Variants in CR1 observed in about 807,000 individuals in gnomAD.
CR1 encodes complement C3b/C4b receptor 1 (Knops blood group).
Under a neutral mutation model 187.3 loss-of-function variants are expected in CR1, and 116 were observed. The ratio of observed to expected loss-of-function variants is 0.62; its 90% confidence interval spans 0.53 to 0.72. The LOEUF is 0.72. Ranked by LOEUF, CR1 falls within the 30% of genes least tolerant of loss-of-function variation. CR1 has a pLI of 0.00. For missense variants in CR1, 1,731 were observed against 2,110.7 expected, an observed-to-expected ratio of 0.82 and a Z score of 3.52; for synonymous variants, 576 against 747.1, an observed-to-expected ratio of 0.77 and a Z score of 3.73.
At chr1:207,581,305 C>T (rs549502853) in intron 31 of CR1, among the ~76,000 whole-genome samples, 8 of 147,468 alleles carry the variant, frequency 5.4e-5, no homozygotes, top group Non-Finnish European at 9.0e-5. Context: ...TACATATGGA[C>T]ACGTATATGT....
intron 45 of CR1, among the ~76,000 whole-genome samples, chr1:207,628,112 T>G (rs1662534995): frequency 6.6e-6 from 1 of 152,198 alleles, no homozygotes; most frequent in Non-Finnish European, 1.5e-5. Flanking sequence ...GCACATATGC[T>G]TAAACGATAT....
intron 35 of CR1, chr1:207,606,547 T>C (rs937078961): frequency 7.2e-5 from 11 of 152,374 alleles, no homozygotes; most frequent in African/African-American, 2.6e-4. Context: ...CTTTAATTTT[T>C]ACTTGGTCAA....
intron 24 of CR1, among the ~76,000 whole-genome samples, chr1:207,567,270 T>G (rs562621776): frequency 2.4e-4 from 36 of 149,756 alleles, no homozygotes; most frequent in Non-Finnish European, 4.0e-4. Flanking sequence ...TTGGAGTTTT[T>G]TTTTTTTTTT....
intron 35 of CR1, among the ~76,000 whole-genome samples, chr1:207,591,687 A>AATTG (rs1661277643): frequency 6.6e-6 from 1 of 150,568 alleles, no homozygotes; most frequent in Admixed American, 6.6e-5. Context: ...AGATTAACAA[A>AATTG]ATAGACCACT....
chr1:207,517,929 CT>C (rs2102298444), intron 4 of CR1, among the ~76,000 whole-genome samples: 1 of 152,148 alleles, frequency 6.6e-6, no homozygotes, highest in Admixed American at 6.5e-5. Context: ...TTTTACTAAG[CT>C]TTTCAGAAAA....
rs138346086 is a variant in CR1 at position 207,629,402 on chromosome 1, G to A, written c.7353-1115G>A. On this transcript the variant is annotated intron_variant, in intron 45 of 46. Coordinates refer to ENST00000367049, the MANE Select transcript of CR1 (RefSeq NM_000651.6). The stretch of plus-strand genomic sequence containing the variant: ...ACCCCATGTACCACTCATCACCCAA[G>A]ACCACCTTCAGAACACTACTCATCT... Among the ~76,000 whole-genome samples the A allele has an allele frequency of 3.3e-4, 49 of 150,262 alleles. 1 individual carries two copies. The highest frequency in any genetic ancestry group is 1.2e-3 in the African/African-American group (49 of 40,902).
intron 45 of CR1, among the ~76,000 whole-genome samples, chr1:207,625,017 G>A (rs1221666068): frequency 6.6e-6 from 1 of 151,938 alleles, no homozygotes; most frequent in African/African-American, 2.4e-5. Flanking sequence ...ATTACTTATG[G>A]TCCATTCCTT....
At chr1:207,596,200 T>A (rs1447546040) in intron 35 of CR1, among the ~76,000 whole-genome samples, 1 of 151,918 alleles carries the variant, frequency 6.6e-6, no homozygotes, top group Non-Finnish European at 1.5e-5. Flanking sequence ...TTTGGGAAAC[T>A]AGCATTATTA....
In CR1 at chr1:207,619,908, G is replaced by A; in HGVS notation, c.7095G>A (p.Met2365Ile). The A allele has an allele frequency of 1.3e-6, 2 of 1,596,226 alleles. No individual in the cohort carries two copies. The highest frequency in any genetic ancestry group is 2.3e-5 in the East Asian group (1 of 44,444). ...KEVNCSFPLF[M>I]NGISKELEMK... ...TAAATTGTAGCTTCCCACTGTTTAT[G>A]AATGGAATCTCGAAGGAGTTAGAAA... The change falls in exon 43 of 47, where the codon ATG (methionine) becomes ATA (isoleucine). Residue 2365 changes from methionine (M) to isoleucine (I), a missense_variant. Around this residue, in one of 5 missense-constraint regions of CR1, gnomAD observed 1,312 missense variants for 1,379.6 expected, o/e 0.95. Coordinates refer to ENST00000367049, the MANE Select transcript of CR1 (RefSeq NM_000651.6).
rs1431166985 is a variant in CR1, at chr1:207,630,544, A to T, written c.7380A>T (p.Glu2460Asp). The change falls in exon 46 of 47, where the codon GAA (glutamate) becomes GAT (aspartate). Residue 2460 changes from glutamate (E) to aspartate (D), a missense_variant. By Grantham distance (45) the Glu-to-Asp change is conservative. Coordinates refer to ENST00000367049, the MANE Select transcript of CR1 (RefSeq NM_000651.6). ...KGNNAHENPK[E>D]VAIHLHSQGG... ...ATAATGCACATGAAAACCCTAAAGA[A>T]GTGGCTATCCATTTACATTCTCAAG... 1.2e-6 allele frequency: 2 copies of T among 1,609,888 alleles called. No individual in the cohort carries two copies. Among genetic ancestry groups the T allele is most frequent in the Non-Finnish European group, 1.7e-6 (2 of 1,178,454 alleles).
chr1:207,573,440 A>C (rs2476542), intron 27 of CR1, among the ~76,000 whole-genome samples: 55,925 of 151,572 alleles, frequency 0.37, 14,896 homozygotes, highest in African/African-American at 0.75. Flanking sequence ...ACTGTACCCT[A>C]CTCATCTTGC....
intron 35 of CR1, among the ~76,000 whole-genome samples, chr1:207,599,182 A>G (rs1031470537): frequency 6.6e-6 from 1 of 152,376 alleles, no homozygotes; most frequent in African/African-American, 2.4e-5. Flanking sequence ...TGAGGAAAGA[A>G]TATGCACAGG....
intron 23 of CR1, 47 bp downstream of exon 23, chr1:207,564,281 G>A: frequency 6.3e-7 from 1 of 1,593,808 alleles, no homozygotes; most frequent in Non-Finnish European, 8.5e-7. Context: ...ATTGGGGTTG[G>A]GAATCAGTCT....
intron 39 of CR1, among the ~76,000 whole-genome samples, chr1:207,613,311 G>A (rs1661993957): frequency 6.6e-6 from 1 of 152,150 alleles, no homozygotes; most frequent in African/African-American, 2.4e-5. Context: ...AGAATGGGGA[G>A]CCTGTGCTGA....
At chr1:207,566,194 G>A (rs1356660488) in intron 24 of CR1, among the ~76,000 whole-genome samples, 1 of 150,040 alleles carries the variant, frequency 6.7e-6, no homozygotes, top group African/African-American at 2.5e-5. Context: ...TAGATAATGT[G>A]AAGCTTTAAC....
chr1:207,525,413 T>G (rs1402437042), intron 5 of CR1, among the ~76,000 whole-genome samples: 3 of 151,992 alleles, frequency 2.0e-5, no homozygotes, highest in African/African-American at 4.8e-5. Flanking sequence ...CCCCTCCCAC[T>G]GAGCAGGCAG....
At chr1:207,590,216 T>C (rs951711903) in intron 35 of CR1, among the ~76,000 whole-genome samples, 20 of 152,038 alleles carry the variant, frequency 1.3e-4, no homozygotes, top group African/African-American at 4.1e-4. Context: ...GAGAGAAAGG[T>C]CGGGTTACCT....
intron 35 of CR1, among the ~76,000 whole-genome samples, chr1:207,591,207 A>G (rs1406597306): frequency 2.0e-5 from 3 of 152,208 alleles, no homozygotes; most frequent in Non-Finnish European, 2.9e-5. Context: ...TTGGAAGTAA[A>G]GCACTCCTCA....
intron 5 of CR1, among the ~76,000 whole-genome samples, chr1:207,526,335 T>C (rs903691759): frequency 6.6e-6 from 1 of 151,812 alleles, no homozygotes; most frequent in African/African-American, 2.4e-5. Context: ...AGATGAGACA[T>C]GGGCAGGGGC....
Sources: allele counts gnomAD v4.1 joint callset (sites outside exome capture counted in the v4.1 genomes callset), GRCh38; gene constraint gnomAD v4.1.1; regional missense constraint gnomAD v4.1.1; transcripts MANE v1.5; gene names NCBI Gene and HGNC (gene_info 2026-07-23, HGNC 2026-07-21).